SORBS2: variants seen among roughly 807,000 people sequenced by gnomAD.
SORBS2 encodes sorbin and SH3 domain-containing protein 2.
Under a neutral mutation model 97.7 loss-of-function variants are expected in SORBS2, and 46 were observed. The ratio of observed to expected loss-of-function variants is 0.47; its 90% CI spans 0.37 to 0.60. The LOEUF (loss-of-function observed/expected upper bound fraction) is 0.60. Among genes scored for constraint, SORBS2 ranks in the 20% least tolerant of loss-of-function variants. The pLI, the probability that SORBS2 is intolerant of heterozygous loss-of-function variation, is 0.00. For synonymous variants in SORBS2, 476 were observed against 473.4 expected, an observed-to-expected ratio of 1.01 and a Z score of -0.07; for missense variants, 1,316 against 1,282.3, an observed-to-expected ratio of 1.03 and a Z score of -0.40.
chr4:185,869,762 A>G (rs1159265521), intron 1 of SORBS2, among the ~76,000 whole-genome samples: 1 of 152,248 alleles, frequency 6.6e-6, no homozygotes, highest in Admixed American at 6.5e-5. Flanking sequence ...AAAGTCTCAT[A>G]GACAAATCCA....
At chr4:185,915,704 C>T (rs1185325828) in intron 1 of SORBS2, among the ~76,000 whole-genome samples, 2 of 151,762 alleles carry the variant, frequency 1.3e-5, no homozygotes, top group African/African-American at 4.8e-5. Flanking sequence ...GTCCTTCTGC[C>T]CCCCACCCCC....
intron 1 of SORBS2, among the ~76,000 whole-genome samples, chr4:185,923,296 A>G (rs2099261840): frequency 6.6e-6 from 1 of 151,920 alleles, no homozygotes; most frequent in Non-Finnish European, 1.5e-5. Flanking sequence ...GATCAGTCAT[A>G]TAATACTTAA....
At chr4:185,668,832 A>C (rs1214352709) in intron 4 of SORBS2, among the ~76,000 whole-genome samples, 5 of 152,206 alleles carry the variant, frequency 3.3e-5, no homozygotes, top group Non-Finnish European at 7.3e-5. Context: ...AGGTGTTTGA[A>C]TAGGGATCAA....
At chr4:185,949,300 A>C (rs540015404) in intron 1 of SORBS2, among the ~76,000 whole-genome samples, 2 of 152,356 alleles carry the variant, frequency 1.3e-5, no homozygotes, top group East Asian at 1.9e-4. Flanking sequence ...TGGTACACCC[A>C]GTATTGAATC....
chr4:185,641,324 G>C (rs1232447341), intron 4 of SORBS2, among the ~76,000 whole-genome samples: 1 of 152,218 alleles, frequency 6.6e-6, no homozygotes, highest in South Asian at 2.1e-4. Context: ...GGTAATTATC[G>C]ATAACTTTGG....
At chr4:185,793,332 A>G (rs995804305) in intron 1 of SORBS2, among the ~76,000 whole-genome samples, 3 of 152,240 alleles carry the variant, frequency 2.0e-5, no homozygotes, top group African/African-American at 7.2e-5. Flanking sequence ...TTTAGAAAAC[A>G]GTGAGCTCCC....
intron 1 of SORBS2, among the ~76,000 whole-genome samples, chr4:185,947,098 C>T (rs2099274897): frequency 6.6e-6 from 1 of 152,198 alleles, no homozygotes; most frequent in South Asian, 2.1e-4. Context: ...AGTTCATGGC[C>T]CTGGCATTTA....
intron 2 of SORBS2, among the ~76,000 whole-genome samples, chr4:185,733,584 C>T (rs1312144297): frequency 6.6e-6 from 1 of 152,074 alleles, no homozygotes; most frequent in African/African-American, 2.4e-5. Context: ...TCCTGGTCCC[C>T]GGTGAAGCAT....
At chr4:185,605,343 C>T (rs955083142) in intron 12 of SORBS2, among the ~76,000 whole-genome samples, 7 of 152,232 alleles carry the variant, frequency 4.6e-5, no homozygotes, top group African/African-American at 1.2e-4. Flanking sequence ...AGTGCAGTGG[C>T]ACAACTTCAG....
At chr4:185,642,971 G>A (rs1485890382) in intron 4 of SORBS2, among the ~76,000 whole-genome samples, 1 of 152,244 alleles carries the variant, frequency 6.6e-6, no homozygotes, top group African/African-American at 2.4e-5. Flanking sequence ...GACTGCAAGG[G>A]TGAAACCTGT....
intron 1 of SORBS2, among the ~76,000 whole-genome samples, chr4:185,793,348 C>G (rs573546539): frequency 1.3e-5 from 2 of 152,354 alleles, no homozygotes; most frequent in Admixed American, 6.5e-5. Flanking sequence ...CTCCCACATT[C>G]TATCCTGTCA....
chr4:185,923,371 T>TTAC (rs1377276587), intron 1 of SORBS2, among the ~76,000 whole-genome samples: 1 of 152,048 alleles, frequency 6.6e-6, no homozygotes. Context: ...GGTGCCATCA[T>TTAC]TACTCACTGC....
rs575647347 is a variant in SORBS2 at position 185,925,326 on chromosome 4, T to G, written c.-338+30870A>C. ...TGATAAACGCATTGTCTTAGAGTCC[T>G]AGCCCTAGAGGCAGAATAGGATGTG... On this transcript the variant is annotated intron_variant, in intron 1 of 20. Transcript: ENST00000284776. Among the ~76,000 whole-genome samples, 6 of 152,330 alleles carry G rather than the reference T, an allele frequency of 3.9e-5. No homozygotes were observed. In the South Asian group the frequency reaches 1.0e-3, roughly 26 times the overall value.
intron 1 of SORBS2, among the ~76,000 whole-genome samples, chr4:185,823,599 T>A (rs2099198092): frequency 6.7e-6 from 1 of 150,338 alleles, no homozygotes; most frequent in South Asian, 2.1e-4. Context: ...AGAGAAAGAT[T>A]TGAGTTTTCC....
At chr4:185,772,285 G>GAA (rs1257985778) in intron 2 of SORBS2, 1 of 152,066 alleles carries the variant, frequency 6.6e-6, no homozygotes, top group Non-Finnish European at 1.5e-5. Flanking sequence ...CCTTCACTGA[G>GAA]AGCTCCTTTA....
At chr4:185,764,085 GTCT>G (rs2098920338) in intron 2 of SORBS2, among the ~76,000 whole-genome samples, 1 of 152,124 alleles carries the variant, frequency 6.6e-6, no homozygotes, top group Non-Finnish European at 1.5e-5. Context: ...ACAGAATGAA[GTCT>G]TTATATTAAA....
chr4:185,857,721 G>A (rs767243497), intron 1 of SORBS2, among the ~76,000 whole-genome samples: 3 of 152,128 alleles, frequency 2.0e-5, no homozygotes, highest in Non-Finnish European at 2.9e-5. Context: ...ATGAATGGCC[G>A]CTCTGGGAGT....
At chr4:185,761,272 T>C (rs930404023) in intron 2 of SORBS2, among the ~76,000 whole-genome samples, 1 of 152,224 alleles carries the variant, frequency 6.6e-6, no homozygotes, top group Non-Finnish European at 1.5e-5. Flanking sequence ...ATCTTGAAAA[T>C]CTGTACCGAA....
chr4:185,674,458 A>AC (rs2097764466), intron 4 of SORBS2, among the ~76,000 whole-genome samples: 1 of 152,092 alleles, frequency 6.6e-6, no homozygotes, highest in African/African-American at 2.4e-5. Context: ...TGCAGTAGTT[A>AC]CCTAACTGGT....
Sources: allele counts gnomAD v4.1 joint callset (sites outside exome capture counted in the v4.1 genomes callset), GRCh38; gene constraint gnomAD v4.1.1; transcripts MANE v1.5; gene names NCBI Gene and HGNC (gene_info 2026-07-23, HGNC 2026-07-21).